CELF5: variants seen among roughly 807,000 people sequenced by gnomAD.
CELF5 encodes CUG-BP and ETR-3 like factor 5.
Under a neutral mutation model 54.9 loss-of-function variants are expected in CELF5, and 6 were observed. The ratio of observed to expected loss-of-function variants is 0.11; its 90% CI spans 0.06 to 0.22. The LOEUF (loss-of-function observed/expected upper bound fraction) is 0.22, where lower values mean the gene tolerates loss of function less well. Among genes scored for constraint, CELF5 ranks in the 10% least tolerant of loss-of-function variants. The probability of loss-of-function intolerance (pLI) is 1.00; values close to 1 mark genes in which losing one functional copy is unlikely to be tolerated. For missense variants in CELF5, 401 were observed against 678.6 expected (o/e 0.59, Z 4.54); for synonymous variants, 271 against 290.9 (o/e 0.93, Z 0.70).
chr19:3,285,669 A>C (rs1010425439), intron 9 of CELF5, among the ~76,000 whole-genome samples: 497 of 42,118 alleles, frequency 0.012, no homozygotes, highest in Middle Eastern at 0.034. Context: ...GTCCGCCCCC[A>C]CCCCCCCTTC....
At chr19:3,248,905 C>CTTTCCTTT (rs1555719722) in intron 1 of CELF5, among the ~76,000 whole-genome samples, 1 of 94,158 alleles carries the variant, frequency 1.1e-5, no homozygotes, top group African/African-American at 3.7e-5. Context: ...TTCCTTCCTT[C>CTTTCCTTT]CTTTCTTTCT....
At position 3,275,768 on chromosome 19, in the gene CELF5, C is replaced by G; in HGVS notation, c.395-88C>G. ...CGGGCGCCGCGTCTTCCTGCCCTGC[C>G]GCCTCCACTCTGCTGGAGGGAGGGA... is the stretch of plus-strand genomic sequence containing the variant. On this transcript the variant is annotated intron_variant, in intron 3 of 12. Coordinates refer to ENST00000292672, the MANE Select transcript of CELF5 (RefSeq NM_021938.4). This position sits in a 1 kb window ranked among gnomAD's most constrained non-coding sequence, Gnocchi z 6.7. 7.1e-7 allele frequency: 1 copy of G among 1,409,540 alleles called. No individual in the cohort carries two copies. The highest frequency in any genetic ancestry group is 1.4e-5 in the South Asian group (1 of 73,724). 87.3% of individuals were successfully genotyped at this position (1,409,540 alleles called of 1,614,324 possible). A position where few individuals can be genotyped will look rare whatever the true frequency, so the allele number is the denominator to read the frequency against.
chr19:3,293,231 C>T (rs1459639182), intron 11 of CELF5, 88 bp from the exon 12 acceptor site: 7 of 1,561,756 alleles, frequency 4.5e-6, no homozygotes, highest in East Asian at 2.2e-5. Flanking sequence ...CTCAGGACCC[C>T]GTGAGCCGGG....
rs549706889 is a variant in CELF5, at chr19:3,228,054, G to C, written c.259+3056G>C. ...GGCAGGGGTAGGGGGAGAGGGATGCGTCGAGGTGGTCTTCCGAAAGAGGGC... is the reference window on the plus strand; with the variant it reads ...GGCAGGGGTAGGGGGAGAGGGATGCCTCGAGGTGGTCTTCCGAAAGAGGGC... On this transcript the variant is annotated intron_variant, in intron 1 of 12. Transcript: ENST00000292672. This position sits in a 1 kb window ranked among gnomAD's most constrained non-coding sequence, Gnocchi z 6.0. Among the ~76,000 whole-genome samples the C allele has an allele frequency of 6.6e-6, 1 of 152,068 alleles. No individual in the cohort carries two copies.
chr19:3,251,099 G>A (rs2079641054), intron 2 of CELF5, 32 bp downstream of exon 2: 1 of 1,550,786 alleles, frequency 6.4e-7, no homozygotes, highest in Non-Finnish European at 8.9e-7. Flanking sequence ...GGGAGGAGGG[G>A]ACAGGGGATG....
chr19:3,279,624 T>C (rs560523413), intron 5 of CELF5, among the ~76,000 whole-genome samples: 5 of 152,042 alleles, frequency 3.3e-5, no homozygotes, highest in African/African-American at 1.2e-4. Flanking sequence ...GGGGAAGATA[T>C]TTTCCTTCTT....
chr19:3,285,752 C>T lies in CELF5; in HGVS notation c.1103-190C>T, dbSNP rs1331736077. Reference sequence around the variant, plus strand: ...CTCAGGCAATAGCCCCTCCCCGTTTCGTCTGTGATCTTGGCCCCGCCCTCT... The same window carrying T: ...CTCAGGCAATAGCCCCTCCCCGTTTTGTCTGTGATCTTGGCCCCGCCCTCT... On this transcript the variant is annotated intron_variant, in intron 9 of 12. Transcript: ENST00000292672. Among the ~76,000 whole-genome samples the T allele has an allele frequency of 1.7e-4, 22 of 130,148 alleles. 1 individual carries two copies. Among genetic ancestry groups the T allele is most frequent in the African/African-American group, 4.9e-4 (17 of 34,964 alleles). 85.4% of individuals were successfully genotyped at this position (130,148 alleles called of 152,430 possible).
chr19:3,243,280 T>C (rs1382379024), intron 1 of CELF5, among the ~76,000 whole-genome samples: 1 of 152,080 alleles, frequency 6.6e-6, no homozygotes, highest in Non-Finnish European at 1.5e-5. Flanking sequence ...ATGGAGTTTT[T>C]TTGAGACAAG....
intron 3 of CELF5, among the ~76,000 whole-genome samples, chr19:3,274,881 C>T (rs967011861): frequency 6.6e-6 from 1 of 151,960 alleles, no homozygotes; most frequent in African/African-American, 2.4e-5. Flanking sequence ...CTGTATGTCT[C>T]CATTTTTGTC....
Position 3,240,516 on chromosome 19 carries a change from G to A in CELF5, c.260-10469G>A, listed in dbSNP as rs545852540. Among the ~76,000 whole-genome samples the A allele has an allele frequency of 2.5e-3, 384 of 150,784 alleles. 5 individuals are homozygous for A. The highest frequency in any genetic ancestry group is 5.5e-3 in the South Asian group (26 of 4,748). On this transcript the variant is annotated intron_variant, in intron 1 of 12. Transcript: ENST00000292672. ...CTAGTTTTTGTATTTTTAGTAGAGA[G>A]GGGGTTTCACCGTGTTGGCCAGGCT...
Position 3,271,264 on chromosome 19 carries a change from ACC to A in CELF5, c.343-2602_343-2601del, listed in dbSNP as rs201593652. Among the ~76,000 whole-genome samples the A allele has an allele frequency of 6.8e-4, 97 of 142,486 alleles. 1 individual carries two copies. In the East Asian group the frequency reaches 0.018, roughly 26 times the overall value. The allele number at this position is 142,486 out of a possible 152,430, so 93.5% of individuals were successfully genotyped here. A position where few individuals can be genotyped will look rare whatever the true frequency, so the allele number is the denominator to read the frequency against. ...CCCATCTCTCCCCACCTCCCCTGGC[ACC>A]CCCCCGCTTCCAGCCCAGAAGCTGG... On this transcript the variant is annotated intron_variant, in intron 2 of 12. Coordinates refer to ENST00000292672, the MANE Select transcript of CELF5 (RefSeq NM_021938.4).
chr19:3,273,816 CGCCT>C, intron 2 of CELF5, 52 bp from the exon 3 acceptor site: 2 of 1,257,830 alleles, frequency 1.6e-6, no homozygotes, highest in Non-Finnish European at 2.3e-6. Context: ...CAAAACCCCC[CGCCT>C]GCCACACCCC....
At chr19:3,280,603 G>A (rs539897858) in intron 5 of CELF5, among the ~76,000 whole-genome samples, 3 of 151,950 alleles carry the variant, frequency 2.0e-5, no homozygotes, top group African/African-American at 4.8e-5. Flanking sequence ...ATCCGGGTCC[G>A]AACTGCCTGC....
chr19:3,274,078 T>C (rs2080009022), intron 3 of CELF5, among the ~76,000 whole-genome samples, 155 bp downstream of exon 3: 2 of 152,206 alleles, frequency 1.3e-5, no homozygotes, highest in Admixed American at 1.3e-4. Context: ...AGTAGTCGCA[T>C]GCCTGCTCAC....
chr19:3,276,192 GCCT>G, intron 4 of CELF5, among the ~76,000 whole-genome samples: 1 of 109,410 alleles, frequency 9.1e-6, no homozygotes, highest in African/African-American at 3.5e-5. Flanking sequence ...CAGGGGCGGG[GCCT>G]GGGGAGGGGA....
In CELF5 at chr19:3,285,944, A is replaced by C. The variant is rs773264011; in HGVS notation, c.1105A>C (p.Met369Leu). Residue 369 changes from methionine (M) to leucine (L), a missense_variant and splice_region_variant, in exon 10 of 13, where the codon ATG becomes CTG. Around this residue, in one of 6 missense-constraint regions of CELF5, gnomAD observed 143 missense variants for 147.6 expected, o/e 0.97. Transcript: ENST00000292672. ...AFSGVQQYTAMYPTAAITPIA... is the reference protein window; with the variant it reads ...AFSGVQQYTALYPTAAITPIA... ...GTGTCTCGCTCCGGTCTCCGCAGCC[A>C]TGTACCCCACCGCGGCCATCACGCC... The C allele has an allele frequency of 9.9e-5, 156 of 1,573,308 alleles. No individual in the cohort carries two copies. The highest frequency in any genetic ancestry group is 1.3e-4 in the Non-Finnish European group (148 of 1,166,532).
chr19:3,224,702 C>CCCGCCG lies in CELF5; in HGVS notation c.-25_-20dup, dbSNP rs979641198. ...GCTCCAGCTGCGAGTCCGCCCGCCG[C>CCCGCCG]CCGCCGCCGCCGCCGCCGGCTCGGT... On this transcript the variant is annotated 5_prime_UTR_variant, in exon 1 of 13. Transcript: ENST00000292672. The CCCGCCG allele has an allele frequency of 2.3e-4, 231 of 1,008,764 alleles. No homozygotes were observed. The highest frequency in any genetic ancestry group is 4.9e-4 in the Middle Eastern group (1 of 2,022). The allele number at this position is 1,008,764 out of a possible 1,614,324, so 62.5% of individuals were successfully genotyped here.
At chr19:3,264,674 T>C (rs1277548806) in intron 2 of CELF5, among the ~76,000 whole-genome samples, 7 of 150,738 alleles carry the variant, frequency 4.6e-5, no homozygotes, top group Non-Finnish European at 8.9e-5. Flanking sequence ...TCTCGGCCTC[T>C]CAAAGTGCTG....
chr19:3,229,496 G>A (rs891773636), intron 1 of CELF5, among the ~76,000 whole-genome samples: 1 of 152,216 alleles, frequency 6.6e-6, no homozygotes, highest in South Asian at 2.1e-4. Context: ...GAGGCCAGGA[G>A]GGCCGCCTGG....
Sources: gnomAD v4.1 joint callset for allele counts (sites outside exome capture counted in the v4.1 genomes callset) on GRCh38, gnomAD v4.1.1 for gene constraint, gnomAD v4.1.1 regional missense constraint, Gnocchi (gnomAD v3.1) non-coding constraint, MANE v1.5 for transcripts, NCBI Gene and HGNC (gene_info 2026-07-23, HGNC 2026-07-21) for gene names.